Variants in TBC1D9 observed in about 807,000 individuals in gnomAD.
The protein encoded by TBC1D9 is TBC1 domain family member 9.
TBC1D9 carries 63 observed loss-of-function variants against 132.0 expected under a neutral mutation model. The ratio of observed to expected loss-of-function variants is 0.48; its 90% CI spans 0.39 to 0.59. TBC1D9 has a LOEUF of 0.59. Among genes scored for constraint, TBC1D9 ranks in the 20% least tolerant of loss-of-function variants. The pLI is 0.00. For synonymous variants in TBC1D9, 610 were observed against 609.9 expected (o/e 1.00, Z 0.00); for missense variants, 1,261 against 1,592.7 (o/e 0.79, Z 3.54).
chr4:140,674,472 C>T (rs1737591177), intron 6 of TBC1D9, among the ~76,000 whole-genome samples: 1 of 151,764 alleles, frequency 6.6e-6, no homozygotes, highest in Non-Finnish European at 1.5e-5. Context: ...CATAGGTAAC[C>T]GAATGAATAA....
intron 6 of TBC1D9, among the ~76,000 whole-genome samples, chr4:140,671,442 C>T (rs995258747): frequency 5.9e-5 from 9 of 152,248 alleles, no homozygotes; most frequent in South Asian, 2.1e-4. Flanking sequence ...GAGGGCTCCT[C>T]GCTGCTTCAT....
At chr4:140,685,388 T>G (rs1737763817) in intron 3 of TBC1D9, among the ~76,000 whole-genome samples, 1 of 152,162 alleles carries the variant, frequency 6.6e-6, no homozygotes, top group African/African-American at 2.4e-5. Flanking sequence ...TATGCAGTAT[T>G]CCATCCAGGA....
chr4:140,731,043 G>A (rs1738582148), intron 1 of TBC1D9, among the ~76,000 whole-genome samples: 1 of 152,138 alleles, frequency 6.6e-6, no homozygotes, highest in South Asian at 2.1e-4. Context: ...TCAGACCATG[G>A]GACCATTTGA....
rs139733499 is a variant in TBC1D9, at chr4:140,667,912, G to A, written c.1588+1005C>T. On this transcript the variant is annotated intron_variant, in intron 9 of 20. Transcript: ENST00000442267. ...ACATCTACTTTTACAAAGAGCTATA[G>A]GTTTTTTTAAAGGCTTTCCTGTGAG... Among the ~76,000 whole-genome samples, 98 of 152,060 alleles carry A rather than the reference G, an allele frequency of 6.4e-4. 1 individual carries two copies. The highest frequency in any genetic ancestry group is 2.1e-3 in the African/African-American group (88 of 41,458).
intron 3 of TBC1D9, among the ~76,000 whole-genome samples, chr4:140,684,117 G>C (rs2111022652): frequency 6.6e-6 from 1 of 152,106 alleles, no homozygotes; most frequent in African/African-American, 2.4e-5. Flanking sequence ...TTAGAAGTGG[G>C]GAGGCCGGGC....
Position 140,622,090 on chromosome 4 carries a change from T to C in TBC1D9, c.*105A>G. The C allele has an allele frequency of 7.0e-7, 1 of 1,422,752 alleles. No individual in the cohort carries two copies. The highest frequency in any genetic ancestry group is 9.3e-7 in the Non-Finnish European group (1 of 1,074,368). 88.1% of individuals were successfully genotyped at this position (1,422,752 alleles called of 1,614,324 possible). A position where few individuals can be genotyped will look rare whatever the true frequency, so the allele number is the denominator to read the frequency against. On this transcript the variant is annotated 3_prime_UTR_variant, in exon 21 of 21. Coordinates refer to ENST00000442267, the MANE Select transcript of TBC1D9 (RefSeq NM_015130.3). ...AAACACTAGGCTTCAAGCCAGGTAC[T>C]AATAAATATTTAATTTAAAAGAAAG...
intron 1 of TBC1D9, among the ~76,000 whole-genome samples, chr4:140,718,931 A>G (rs1405600954): frequency 6.6e-6 from 1 of 151,906 alleles, no homozygotes; most frequent in Non-Finnish European, 1.5e-5. Flanking sequence ...AAAACACAAA[A>G]AAAATTTGTA....
intron 1 of TBC1D9, among the ~76,000 whole-genome samples, chr4:140,711,047 A>G (rs1432234111): frequency 6.6e-6 from 1 of 152,134 alleles, no homozygotes; most frequent in African/African-American, 2.4e-5. Flanking sequence ...GCAGGACTCA[A>G]ATCTGCTCTG....
At chr4:140,658,883 A>T (rs967909547) in intron 11 of TBC1D9, among the ~76,000 whole-genome samples, 27 of 152,200 alleles carry the variant, frequency 1.8e-4, no homozygotes, top group African/African-American at 6.0e-4. Context: ...ATTACTTTTT[A>T]AAAAAACTTA....
At position 140,622,180 on chromosome 4, in the gene TBC1D9, G is replaced by A. The variant is rs1329124059; in HGVS notation, c.*15C>T. On this transcript the variant is annotated 3_prime_UTR_variant, in exon 21 of 21. Transcript: ENST00000442267. ...CCCCTCCCTCTCCTCCCACTCCCCC[G>A]GGAAGGCGCCCGTGTCAGCCGGACA... is the stretch of plus-strand genomic sequence containing the variant. 7.1e-6 allele frequency: 11 copies of A among 1,557,904 alleles called. No individual in the cohort carries two copies. The South Asian group carries it at 7.2e-5, about 10-fold the overall frequency.
At chr4:140,741,039 G>A (rs1738751251) in intron 1 of TBC1D9, among the ~76,000 whole-genome samples, 1 of 152,180 alleles carries the variant, frequency 6.6e-6, no homozygotes, top group Non-Finnish European at 1.5e-5. Flanking sequence ...GGCCATGGTA[G>A]GAAGAATAGA....
intron 9 of TBC1D9, among the ~76,000 whole-genome samples, chr4:140,663,198 C>G (rs908649108): frequency 2.6e-5 from 4 of 152,060 alleles, no homozygotes; most frequent in African/African-American, 9.7e-5. Context: ...ACTCAATAGC[C>G]TAAACCAAAC....
At chr4:140,663,373 G>A (rs1316147950) in intron 9 of TBC1D9, among the ~76,000 whole-genome samples, 2 of 152,098 alleles carry the variant, frequency 1.3e-5, no homozygotes, top group Admixed American at 6.6e-5. Flanking sequence ...GAATGGCTAT[G>A]ATAAAAAAGA....
chr4:140,748,937 C>T (rs1038369262), intron 1 of TBC1D9, among the ~76,000 whole-genome samples: 1 of 152,122 alleles, frequency 6.6e-6, no homozygotes, highest in Non-Finnish European at 1.5e-5. Context: ...AACTGCATGT[C>T]CTTGGGTTGA....
At chr4:140,649,528 T>C (rs998023828) in intron 13 of TBC1D9, among the ~76,000 whole-genome samples, 1 of 152,166 alleles carries the variant, frequency 6.6e-6, no homozygotes, top group African/African-American at 2.4e-5. Flanking sequence ...AAGAAATTGA[T>C]GGAATGTGAG....
intron 13 of TBC1D9, chr4:140,644,447 T>C (rs1203675049): frequency 1.4e-5 from 4 of 295,654 alleles, no homozygotes; most frequent in South Asian, 1.1e-4. Flanking sequence ...CGCGGGGCGA[T>C]GGCGGCGGGC....
chr4:140,731,200 C>A (rs1738584108), intron 1 of TBC1D9, among the ~76,000 whole-genome samples: 1 of 152,166 alleles, frequency 6.6e-6, no homozygotes, highest in Admixed American at 6.5e-5. Context: ...TCAGTGCCAT[C>A]CTCTGCAGCA....
intron 6 of TBC1D9, among the ~76,000 whole-genome samples, chr4:140,673,533 C>T: frequency 6.6e-6 from 1 of 152,132 alleles, no homozygotes; most frequent in South Asian, 2.1e-4. Flanking sequence ...ATTATCATTA[C>T]CTAAAGGTAA....
chr4:140,715,613 T>C (rs566336781), intron 1 of TBC1D9, among the ~76,000 whole-genome samples: 1 of 152,352 alleles, frequency 6.6e-6, no homozygotes, highest in African/African-American at 2.4e-5. Flanking sequence ...CAATAATGTT[T>C]TCCAGTCTTG....
Sources: gnomAD v4.1 joint callset for allele counts (sites outside exome capture counted in the v4.1 genomes callset) on GRCh38, gnomAD v4.1.1 for gene constraint, MANE v1.5 for transcripts, NCBI Gene and HGNC (gene_info 2026-07-23, HGNC 2026-07-21) for gene names.